The following COL24A1 variants were observed in gnomAD, a reference collection of about 807,000 sequenced individuals.
COL24A1 encodes collagen type XXIV alpha 1 chain.
In COL24A1, 224 loss-of-function variants were observed where a neutral mutation model predicts 253.9. The ratio of observed to expected loss-of-function variants is 0.88; its 90% CI spans 0.79 to 0.99. The LOEUF (loss-of-function observed/expected upper bound fraction) is 0.99, where lower values mean the gene tolerates loss of function less well. COL24A1 is among the 50% of genes least tolerant of loss of function. The pLI is 0.00. For synonymous variants in COL24A1, 685 were observed against 673.7 expected (o/e 1.02, Z -0.26); for missense variants, 2,131 against 2,068.5 (o/e 1.03, Z -0.59).
At chr1:86,017,230 T>C (rs1173681655) in intron 18 of COL24A1, 26 bp from the exon 19 acceptor site, 2 of 1,539,652 alleles carry the variant, frequency 1.3e-6, no homozygotes, top group Non-Finnish European at 1.7e-6. Context: ...AGGATCAAAG[T>C]ATAAACATAA....
intron 20 of COL24A1, among the ~76,000 whole-genome samples, chr1:85,977,122 A>G (rs1404932829): frequency 6.6e-6 from 1 of 152,178 alleles, no homozygotes; most frequent in Non-Finnish European, 1.5e-5. Flanking sequence ...AAGAGCAATA[A>G]CAATCACTGC....
At chr1:85,966,731 G>C (rs1433150025) in intron 22 of COL24A1, among the ~76,000 whole-genome samples, 2 of 152,034 alleles carry the variant, frequency 1.3e-5, no homozygotes, top group Admixed American at 6.6e-5. Context: ...ATGATAATTG[G>C]ATCCAGCAAT....
rs774125437 is a variant in COL24A1, at chr1:86,046,835, T to C, written c.1940A>G (p.Lys647Arg). ...IPGIRGKKGF[K>R]GRQGFPGDFG... is the part of the protein sequence containing the mutation. The stretch of plus-strand genomic sequence containing the variant: ...CACAAATTAAGATACCTGTCTCCCC[T>C]TAAAACCCTTCTTTCCACGGATCCC... Residue 647 changes from lysine (K) to arginine (R), a missense_variant, in exon 12 of 60, where the codon AAG (lysine) becomes AGG (arginine). Transcript: ENST00000370571. 1.9e-6 allele frequency: 3 copies of C among 1,610,874 alleles called. No homozygotes were observed. In the South Asian group the frequency reaches 3.3e-5, roughly 18 times the overall value.
At chr1:85,858,637 TTCCTTCC>T (rs1678756791) in intron 37 of COL24A1, among the ~76,000 whole-genome samples, 1 of 138,808 alleles carries the variant, frequency 7.2e-6, no homozygotes, top group East Asian at 2.1e-4. Context: ...CCTTCCTTCC[TTCCTTCC>T]TTCCTTCCTT....
intron 56 of COL24A1, among the ~76,000 whole-genome samples, chr1:85,745,203 T>C (rs752933887): frequency 3.3e-5 from 5 of 152,104 alleles, no homozygotes; most frequent in Admixed American, 6.5e-5. Flanking sequence ...CCAAATTCCT[T>C]ACAAATAACA....
At chr1:85,782,057 T>C (rs1026851377) in intron 51 of COL24A1, among the ~76,000 whole-genome samples, 22 of 152,210 alleles carry the variant, frequency 1.4e-4, no homozygotes, top group African/African-American at 5.1e-4. Flanking sequence ...ACCATGATAA[T>C]ACTCCTCTTT....
chr1:85,796,344 A>G (rs541321915), intron 47 of COL24A1, among the ~76,000 whole-genome samples: 7 of 152,364 alleles, frequency 4.6e-5, no homozygotes, highest in African/African-American at 1.7e-4. Context: ...AAATGTCACT[A>G]TGATATTTGA....
chr1:85,857,898 G>A (rs1009374311), intron 37 of COL24A1, among the ~76,000 whole-genome samples: 91 of 152,286 alleles, frequency 6.0e-4, no homozygotes, highest in African/African-American at 2.1e-3. Context: ...TTACATATTT[G>A]CACATCTGTA....
chr1:85,999,450 C>G (rs1197805243), intron 19 of COL24A1, among the ~76,000 whole-genome samples: 1 of 151,888 alleles, frequency 6.6e-6, no homozygotes, highest in Non-Finnish European at 1.5e-5. Context: ...AAACCCATCT[C>G]TACAAAAATA....
At chr1:85,920,975 C>T (rs148040608) in intron 24 of COL24A1, among the ~76,000 whole-genome samples, 3 of 152,020 alleles carry the variant, frequency 2.0e-5, no homozygotes, top group Non-Finnish European at 4.4e-5. Context: ...AAGAAAGAGT[C>T]AAATAGTCAT....
chr1:85,831,356 C>T (rs951045901), intron 43 of COL24A1, among the ~76,000 whole-genome samples: 1 of 152,054 alleles, frequency 6.6e-6, no homozygotes, highest in African/African-American at 2.4e-5. Context: ...CCAATTATGG[C>T]TTTTCCACCA....
intron 32 of COL24A1, among the ~76,000 whole-genome samples, chr1:85,885,963 G>A (rs1682449785): frequency 6.6e-6 from 1 of 152,018 alleles, no homozygotes; most frequent in East Asian, 1.9e-4. Context: ...TAACATCAGT[G>A]ACTCCATTTT....
At chr1:85,768,913 C>T (rs1021710118) in intron 53 of COL24A1, among the ~76,000 whole-genome samples, 14 of 152,042 alleles carry the variant, frequency 9.2e-5, no homozygotes, top group Non-Finnish European at 1.5e-4. Flanking sequence ...GTGGTAACAA[C>T]GATGGTAGGT....
At chr1:86,062,206 A>G (rs74634883) in intron 8 of COL24A1, among the ~76,000 whole-genome samples, 7,890 of 152,154 alleles carry the variant, frequency 0.052, 407 homozygotes, top group African/African-American at 0.13. Flanking sequence ...GACAGCTCTT[A>G]TTACTAGAGC....
At chr1:85,959,975 C>T (rs900152704) in intron 24 of COL24A1, among the ~76,000 whole-genome samples, 1 of 152,058 alleles carries the variant, frequency 6.6e-6, no homozygotes, top group African/African-American at 2.4e-5. Flanking sequence ...CTTTAATAAC[C>T]TAATTCATAC....
At chr1:85,781,192 C>A in intron 52 of COL24A1, 28 bp downstream of exon 52, 5 of 1,509,966 alleles carry the variant, frequency 3.3e-6, no homozygotes, top group Non-Finnish European at 4.5e-6. Flanking sequence ...AAAAAGAGTA[C>A]AAAAGACTTG....
At chr1:85,763,396 T>G (rs1570501571) in intron 53 of COL24A1, among the ~76,000 whole-genome samples, 1 of 151,734 alleles carries the variant, frequency 6.6e-6, no homozygotes, top group Non-Finnish European at 1.5e-5. Context: ...CCAGCCTGGG[T>G]GACAGAGTGA....
At chr1:85,777,913 T>G (rs1668721834) in intron 52 of COL24A1, among the ~76,000 whole-genome samples, 1 of 152,138 alleles carries the variant, frequency 6.6e-6, no homozygotes, top group African/African-American at 2.4e-5. Context: ...TTGGATTTGT[T>G]CTTTTTTTCT....
chr1:85,872,321 C>T (rs551569391), intron 35 of COL24A1, among the ~76,000 whole-genome samples: 9 of 152,308 alleles, frequency 5.9e-5, no homozygotes, highest in East Asian at 5.8e-4. Context: ...CAATGACTTT[C>T]TTCACAGAAT....
Sources: allele counts gnomAD v4.1 joint callset (sites outside exome capture counted in the v4.1 genomes callset), GRCh38; gene constraint gnomAD v4.1.1; transcripts MANE v1.5; gene names NCBI Gene and HGNC (gene_info 2026-07-23, HGNC 2026-07-21).